NXN: variants seen among roughly 807,000 people sequenced by gnomAD.
NXN encodes nucleoredoxin 1.
A neutral mutation model predicts 48.6 loss-of-function variants in NXN; 16 were observed. The ratio of observed to expected loss-of-function variants is 0.33; its 90% CI spans 0.22 to 0.50. NXN has a LOEUF of 0.50. Ranked by LOEUF, NXN falls within the 20% of genes least tolerant of loss-of-function variation. The probability of loss-of-function intolerance (pLI) is 0.98; values close to 1 mark genes in which losing one functional copy is unlikely to be tolerated. For missense variants in NXN, 492 were observed against 605.5 expected, an observed-to-expected ratio of 0.81 and a Z score of 1.97; for synonymous variants, 281 against 269.6, an observed-to-expected ratio of 1.04 and a Z score of -0.41.
chr17:811,516 G>A (rs555588150), intron 5 of NXN, among the ~76,000 whole-genome samples: 2 of 152,030 alleles, frequency 1.3e-5, no homozygotes, highest in African/African-American at 4.8e-5. Flanking sequence ...GGTTGGGGGG[G>A]GGGCAGCACT....
chr17:926,794 G>T (rs2068804891), intron 1 of NXN, among the ~76,000 whole-genome samples: 1 of 151,328 alleles, frequency 6.6e-6, no homozygotes, highest in African/African-American at 2.4e-5. Flanking sequence ...TGCCCGCCTT[G>T]GCCTCCCAAA....
chr17:831,947 A>C (rs1913496921), intron 1 of NXN, among the ~76,000 whole-genome samples: 1 of 94,592 alleles, frequency 1.1e-5, no homozygotes, highest in Non-Finnish European at 2.2e-5. Context: ...CACATGTATT[A>C]TTAAGGGATC....
In NXN at chr17:928,354, A is replaced by G. The variant is rs180700855; in HGVS notation, c.360+50965T>C. On this transcript the variant is annotated intron_variant, in intron 1 of 7. Transcript: ENST00000336868. ...AGAAAAGCATTCGGTGAGATTTCCT[A>G]TGGAATCCTTGTGGACAACATAGAT... 2.4e-4 allele frequency among the ~76,000 whole-genome samples: 36 copies of G among 152,288 alleles called. No homozygotes were observed. In the East Asian group the frequency reaches 6.8e-3, roughly 29 times the overall value.
At chr17:853,722 TA>T (rs59370341) in intron 1 of NXN, among the ~76,000 whole-genome samples, 877 of 83,478 alleles carry the variant, frequency 0.011, 11 homozygotes, top group African/African-American at 0.042. Flanking sequence ...TATATATATA[TA>T]TTTTTTTTTT....
At chr17:803,377 G>A (rs1292980618) in intron 7 of NXN, among the ~76,000 whole-genome samples, 1 of 152,218 alleles carries the variant, frequency 6.6e-6, no homozygotes, top group East Asian at 1.9e-4. Context: ...TGACCCAGGA[G>A]GTGTGGATCA....
intron 1 of NXN, among the ~76,000 whole-genome samples, chr17:886,443 T>C (rs948733819): frequency 5.3e-5 from 8 of 152,168 alleles, no homozygotes; most frequent in African/African-American, 7.2e-5. Flanking sequence ...GATTCTTCCC[T>C]GGGAGGCTGG....
At chr17:811,971 A>G (rs1219722497) in intron 5 of NXN, among the ~76,000 whole-genome samples, 2 of 116,074 alleles carry the variant, frequency 1.7e-5, no homozygotes, top group African/African-American at 3.4e-5. Flanking sequence ...TCTGTCGCCC[A>G]GGCTGGAGTG....
chr17:861,091 A>T (rs1010465128), intron 1 of NXN, among the ~76,000 whole-genome samples: 1 of 152,162 alleles, frequency 6.6e-6, no homozygotes, highest in African/African-American at 2.4e-5. Context: ...TGAGTGCAAC[A>T]TATCAGTATC....
chr17:915,716 C>A (rs2068681655), intron 1 of NXN, among the ~76,000 whole-genome samples: 1 of 151,444 alleles, frequency 6.6e-6, no homozygotes, highest in Non-Finnish European at 1.5e-5. Context: ...GGCAATAAAC[C>A]AAGAAGGCAG....
At chr17:944,250 A>T (rs1370714863) in intron 1 of NXN, among the ~76,000 whole-genome samples, 1 of 152,186 alleles carries the variant, frequency 6.6e-6, no homozygotes, top group East Asian at 1.9e-4. Flanking sequence ...AGAAAAAAAT[A>T]AAAAAATAAA....
chr17:810,133 CACGTTACGAGT>C (rs1911873400), intron 5 of NXN, among the ~76,000 whole-genome samples: 1 of 100,348 alleles, frequency 1.0e-5, no homozygotes, highest in South Asian at 3.6e-4. Flanking sequence ...GAGTGGCGTG[CACGTTACGAGT>C]CTGTGACTGG....
intron 1 of NXN, among the ~76,000 whole-genome samples, chr17:967,019 G>A (rs952106721): frequency 9.9e-5 from 15 of 152,056 alleles, no homozygotes; most frequent in African/African-American, 3.4e-4. Flanking sequence ...ATGGTGTGTT[G>A]GGGTCACTGG....
chr17:872,723 C>T (rs1395481571), intron 1 of NXN, among the ~76,000 whole-genome samples: 8 of 149,288 alleles, frequency 5.4e-5, no homozygotes, highest in Admixed American at 2.7e-4. Context: ...TGGCCTCAAG[C>T]GAGTCTCCTG....
At chr17:957,298 A>AC (rs978521297) in intron 1 of NXN, among the ~76,000 whole-genome samples, 3 of 151,590 alleles carry the variant, frequency 2.0e-5, no homozygotes, top group Non-Finnish European at 4.4e-5. Flanking sequence ...GAAGCCAGGA[A>AC]CCCCCCGGGA....
intron 1 of NXN, among the ~76,000 whole-genome samples, chr17:908,407 G>A (rs1471047940): frequency 2.6e-5 from 4 of 151,960 alleles, no homozygotes; most frequent in Admixed American, 6.6e-5. Context: ...ATGTTGGTGG[G>A]AGCCTGTAAT....
chr17:807,378 G>A (rs1001154545), intron 5 of NXN, among the ~76,000 whole-genome samples: 1 of 152,254 alleles, frequency 6.6e-6, no homozygotes, highest in African/African-American at 2.4e-5. Context: ...GTGGGATGCC[G>A]AGTGGGTCTG....
At chr17:907,486 C>T (rs969338805) in intron 1 of NXN, among the ~76,000 whole-genome samples, 2 of 151,980 alleles carry the variant, frequency 1.3e-5, no homozygotes, top group Non-Finnish European at 2.9e-5. Context: ...ATTACAGGTG[C>T]CCGCCACCAC....
intron 1 of NXN, among the ~76,000 whole-genome samples, chr17:857,860 T>C (rs886585407): frequency 6.6e-6 from 1 of 152,240 alleles, no homozygotes; most frequent in Non-Finnish European, 1.5e-5. Context: ...TTTTGTAGTT[T>C]TCTTTCGGTC....
At chr17:805,275 C>T in intron 5 of NXN, 28 bp from the exon 6 acceptor site, 1 of 1,589,402 alleles carries the variant, frequency 6.3e-7, no homozygotes, top group African/African-American at 1.3e-5. Context: ...TGCTTGGCCG[C>T]TGGCCCGGGA....
Sources: gnomAD v4.1 joint callset for allele counts (sites outside exome capture counted in the v4.1 genomes callset) on GRCh38, gnomAD v4.1.1 for gene constraint, MANE v1.5 for transcripts, NCBI Gene and HGNC (gene_info 2026-07-23, HGNC 2026-07-21) for gene names.